The following ZNF112 variants were observed in gnomAD, a reference collection of about 807,000 sequenced individuals.
ZNF112 encodes zinc finger protein 112.
ZNF112 carries 37 observed loss-of-function variants against 77.7 expected under a neutral mutation model. The observed-to-expected ratio is 0.48, with a 90% CI of 0.37 to 0.63. ZNF112 has a LOEUF of 0.63. ZNF112 is among the 20% of genes least tolerant of loss of function. The probability of loss-of-function intolerance (pLI) is 0.00; values close to 1 mark genes in which losing one functional copy is unlikely to be tolerated. For missense variants in ZNF112, 950 were observed against 1,077.4 expected, an observed-to-expected ratio of 0.88 and a Z score of 1.66; for synonymous variants, 333 against 363.6, an observed-to-expected ratio of 0.92 and a Z score of 0.96.
chr19:44,348,686 C>T (rs1970639676), intron 1 of ZNF112, among the ~76,000 whole-genome samples: 1 of 151,932 alleles, frequency 6.6e-6, no homozygotes, highest in Non-Finnish European at 1.5e-5. Flanking sequence ...AAATTAGATG[C>T]AGTGAAGTGG....
rs1430960624 is a variant in ZNF112, at chr19:44,329,001, T to A, written c.1156A>T (p.Asn386Tyr). Reference sequence around the variant, plus strand: ...GAACTCTGATTAAAGACATTCTCATTTTCCTCATATTCATGGGGTTCATCC... The same window carrying A: ...GAACTCTGATTAAAGACATTCTCATATTCCTCATATTCATGGGGTTCATCC... Reference protein sequence around the residue: ...TRDEPHEYEENENVFNQSSCL... With the variant: ...TRDEPHEYEEYENVFNQSSCL... Residue 386 changes from asparagine (N) to tyrosine (Y), a missense_variant, in exon 4 of 4, where the codon AAT becomes TAT. By Grantham distance (143) the Asn-to-Tyr change is moderately radical (BLOSUM62 -2). This residue lies in a region of ZNF112 where 560 missense variants were observed against 557.3 expected (regional missense o/e 1.00). Coordinates refer to ENST00000354340, the MANE Select transcript of ZNF112 (RefSeq NM_013380.4). 6.2e-7 allele frequency: 1 copy of A among 1,613,966 alleles called. No homozygotes were observed. The highest frequency in any genetic ancestry group is 2.2e-5 in the East Asian group (1 of 44,860).
chr19:44,329,485 GTTTTC>G lies in ZNF112; in HGVS notation c.667_671del (p.Glu223LeufsTer5). 1 of 1,614,084 alleles carries G rather than the reference GTTTTC, an allele frequency of 6.2e-7. No individual in the cohort carries two copies. The highest frequency in any genetic ancestry group is 1.1e-5 in the South Asian group (1 of 91,080). ...CTTCTCCACAGTCATGGCAGCTGTA[GTTTTC>G]TTTTCTGTGTACTTCCAGTTTATCA... is the stretch of plus-strand genomic sequence containing the variant. On this transcript the variant is annotated frameshift_variant, in exon 4 of 4. Coordinates refer to ENST00000354340, the MANE Select transcript of ZNF112 (RefSeq NM_013380.4). LOFTEE classifies it high-confidence loss of function.
intron 1 of ZNF112, among the ~76,000 whole-genome samples, chr19:44,361,810 C>A (rs564112643): frequency 6.6e-6 from 1 of 152,218 alleles, no homozygotes; most frequent in South Asian, 2.1e-4. Flanking sequence ...AAAATTGGTT[C>A]ATTAGTTGTA....
rs557393497 is a variant in ZNF112, at chr19:44,344,629, C to T, written c.-3-4087G>A. On this transcript the variant is annotated intron_variant, in intron 1 of 3. Transcript: ENST00000354340. ...TATGGATTGCCTTCTAAAAGGGATACAGTGCCCAGATAGATGCCAGGGTAG... is the reference window on the plus strand; with the variant it reads ...TATGGATTGCCTTCTAAAAGGGATATAGTGCCCAGATAGATGCCAGGGTAG... Among the ~76,000 whole-genome samples the T allele has an allele frequency of 2.6e-5, 4 of 152,284 alleles. No homozygotes were observed. The South Asian group carries it at 8.3e-4, about 32-fold the overall frequency.
upstream of ZNF112, among the ~76,000 whole-genome samples, chr19:44,357,996 C>CA (rs1432381344): frequency 6.6e-6 from 1 of 151,762 alleles, no homozygotes; most frequent in East Asian, 1.9e-4. Context: ...ACAAAAAATA[C>CA]AAAAAATTAG....
intron 1 of ZNF112, among the ~76,000 whole-genome samples, chr19:44,350,625 C>T (rs1182338492): frequency 6.6e-6 from 1 of 152,048 alleles, no homozygotes; most frequent in Non-Finnish European, 1.5e-5. Flanking sequence ...ACAGGTAATG[C>T]TAAGCCACTT....
chr19:44,363,527 A>C (rs1419431448), intron 1 of ZNF112, among the ~76,000 whole-genome samples: 2 of 152,206 alleles, frequency 1.3e-5, no homozygotes, highest in African/African-American at 4.8e-5. Context: ...AGAATATGAA[A>C]TATATGGAAC....
At chr19:44,352,756 G>T (rs1970715410) in intron 1 of ZNF112, among the ~76,000 whole-genome samples, 2 of 151,778 alleles carry the variant, frequency 1.3e-5, no homozygotes, top group Non-Finnish European at 2.9e-5. Context: ...AGCTCTAGAA[G>T]AATAAATTAT....
intron 2 of ZNF112, among the ~76,000 whole-genome samples, chr19:44,337,405 T>TATATATTATATA (rs1242248110): frequency 1.6e-5 from 1 of 61,638 alleles, no homozygotes; most frequent in African/African-American, 7.0e-5. Flanking sequence ...TAATATATAT[T>TATATATTATATA]TTATATATAA....
intron 3 of ZNF112, among the ~76,000 whole-genome samples, chr19:44,335,223 G>C (rs144906110): frequency 0.014 from 2,110 of 152,328 alleles, 28 homozygotes; most frequent in Middle Eastern, 0.041. Context: ...GATTGGCATG[G>C]GGCCTGCAGC....
chr19:44,333,323 A>C (rs1252333219), intron 3 of ZNF112, among the ~76,000 whole-genome samples: 1 of 152,242 alleles, frequency 6.6e-6, no homozygotes, highest in East Asian at 1.9e-4. Flanking sequence ...CAGGTTACCC[A>C]GGCTGAGATC....
chr19:44,330,420 C>T (rs1237611488), intron 3 of ZNF112, among the ~76,000 whole-genome samples: 1 of 152,112 alleles, frequency 6.6e-6, no homozygotes, highest in African/African-American at 2.4e-5. Flanking sequence ...AACATGATGG[C>T]TGTGTTCAAA....
chr19:44,337,785 A>T (rs189352852), intron 2 of ZNF112, among the ~76,000 whole-genome samples: 20 of 151,384 alleles, frequency 1.3e-4, no homozygotes, highest in Non-Finnish European at 2.8e-4. Context: ...CTGAACATCT[A>T]TTCATATGTA....
chr19:44,330,572 C>T (rs1970251918), intron 3 of ZNF112, among the ~76,000 whole-genome samples: 1 of 152,120 alleles, frequency 6.6e-6, no homozygotes, highest in Non-Finnish European at 1.5e-5. Context: ...CCCATCTCTA[C>T]TAAAAGTACA....
chr19:44,331,947 T>A (rs1970277824), intron 3 of ZNF112, among the ~76,000 whole-genome samples: 1 of 152,180 alleles, frequency 6.6e-6, no homozygotes, highest in African/African-American at 2.4e-5. Flanking sequence ...AATAAAAATG[T>A]AAGATCAAAA....
intron 1 of ZNF112, among the ~76,000 whole-genome samples, chr19:44,361,812 T>C (rs1427885674): frequency 6.6e-6 from 1 of 152,194 alleles, no homozygotes; most frequent in Non-Finnish European, 1.5e-5. Flanking sequence ...AATTGGTTCA[T>C]TAGTTGTAAT....
At chr19:44,344,319 CT>C (rs1970547037) in intron 1 of ZNF112, among the ~76,000 whole-genome samples, 2 of 21,540 alleles carry the variant, frequency 9.3e-5, no homozygotes, top group African/African-American at 2.3e-4. Flanking sequence ...AGGTTTGTTA[CT>C]TTACTTTACT....
intron 3 of ZNF112, among the ~76,000 whole-genome samples, chr19:44,332,444 G>T (rs1970288630): frequency 6.6e-6 from 1 of 152,088 alleles, no homozygotes; most frequent in Admixed American, 6.5e-5. Context: ...TTATTATAAT[G>T]ATATTTTATC....
chr19:44,352,825 A>C (rs1198081461), intron 1 of ZNF112, among the ~76,000 whole-genome samples: 1 of 152,148 alleles, frequency 6.6e-6, no homozygotes, highest in Admixed American at 6.5e-5. Context: ...GCAGAAAATC[A>C]TGAAACACTA....
Sources: allele counts gnomAD v4.1 joint callset (sites outside exome capture counted in the v4.1 genomes callset), GRCh38; gene constraint gnomAD v4.1.1; regional missense constraint gnomAD v4.1.1; transcripts MANE v1.5; gene names NCBI Gene and HGNC (gene_info 2026-07-23, HGNC 2026-07-21).